Variants in KRABD2 observed in about 807,000 individuals in gnomAD.
KRABD2 encodes the protein KRAB domain containing 2, also known as KRAB domain-containing protein 2.
chr17:8,372,366 T>A, the KRABD2 span, among the ~76,000 whole-genome samples: 1 of 152,216 alleles, frequency 6.6e-6, no homozygotes, highest in Non-Finnish European at 1.5e-5. This position sits in a 1 kb window ranked among gnomAD's most constrained non-coding sequence, Gnocchi z 4.1. Flanking sequence ...ATTTTCATTC[T>A]TTTTCTTTTT....
At chr17:8,360,069 G>A in the KRABD2 span, among the ~76,000 whole-genome samples, 11 of 152,200 alleles carry the variant, frequency 7.2e-5, no homozygotes, top group South Asian at 6.2e-4. Context: ...CTGTAATGTC[G>A]CGGGAAATGC....
At chr17:8,363,817 T>TAC in the KRABD2 span, among the ~76,000 whole-genome samples, 2 of 115,744 alleles carry the variant, frequency 1.7e-5, no homozygotes, top group Non-Finnish European at 3.4e-5. Flanking sequence ...ATATCATACA[T>TAC]ATATATATCA....
chr17:8,367,399 T>C, the KRABD2 span, among the ~76,000 whole-genome samples: 26 of 151,864 alleles, frequency 1.7e-4, no homozygotes, highest in African/African-American at 5.8e-4. Context: ...CTCAGGAGGC[T>C]GAGGCAGGAG....
At chr17:8,372,192 C>G in the KRABD2 span, 32 of 306,404 alleles carry the variant, frequency 1.0e-4, 3 homozygotes, top group East Asian at 5.5e-3. This position sits in a 1 kb window ranked among gnomAD's most constrained non-coding sequence, Gnocchi z 4.1. Context: ...CTTCAAACTC[C>G]CTTCCTCAGC....
At chr17:8,360,068 C>T in the KRABD2 span, among the ~76,000 whole-genome samples, 18 of 152,178 alleles carry the variant, frequency 1.2e-4, no homozygotes, top group Non-Finnish European at 1.5e-4. Flanking sequence ...CCTGTAATGT[C>T]GCGGGAAATG....
At chr17:8,367,957 C>CAAA in the KRABD2 span, among the ~76,000 whole-genome samples, 4 of 86,496 alleles carry the variant, frequency 4.6e-5, no homozygotes, top group Non-Finnish European at 9.1e-5. Flanking sequence ...AAGTTAAGAG[C>CAAA]AAAAAAAAAA....
the KRABD2 span, chr17:8,376,291 T>C: frequency 1.6e-6 from 2 of 1,227,586 alleles, no homozygotes; most frequent in Non-Finnish European, 2.0e-6. Context: ...TTGCTGACTC[T>C]TATCATTTAC....
the KRABD2 span, among the ~76,000 whole-genome samples, chr17:8,375,539 T>C: frequency 1.0e-5 from 1 of 100,316 alleles, no homozygotes; most frequent in Non-Finnish European, 2.8e-5. Context: ...TTCTTTCATT[T>C]TTTTTTTTTT....
At chr17:8,369,841 C>A in the KRABD2 span, 1 of 1,614,184 alleles carries the variant, frequency 6.2e-7, no homozygotes. Context: ...GAGTCTATGT[C>A]CTTAAAAGTC....
the KRABD2 span, chr17:8,373,472 A>C: frequency 9.3e-3 from 1,738 of 186,940 alleles, 30 homozygotes; most frequent in African/African-American, 0.039. Context: ...TCGCTCACTC[A>C]GTGCTCAATG....
At chr17:8,358,852 C>T in the KRABD2 span, among the ~76,000 whole-genome samples, 3 of 151,830 alleles carry the variant, frequency 2.0e-5, no homozygotes, top group African/African-American at 7.3e-5. Context: ...CATCTATTTC[C>T]TAAAAACAAG....
chr17:8,371,750 G>A, the KRABD2 span: 11 of 1,279,422 alleles, frequency 8.6e-6, no homozygotes, highest in Non-Finnish European at 1.1e-5. Context: ...GAACTTGGGC[G>A]CAGGCTTGAT....
the KRABD2 span, among the ~76,000 whole-genome samples, chr17:8,367,775 A>G: frequency 6.6e-6 from 1 of 151,724 alleles, no homozygotes; most frequent in East Asian, 1.9e-4. Context: ...GGGAGTGGTG[A>G]TGACTCTTAA....
the KRABD2 span, chr17:8,369,516 C>G: frequency 1.2e-6 from 2 of 1,614,070 alleles, no homozygotes; most frequent in Non-Finnish European, 1.7e-6. Context: ...CTTTACATCA[C>G]GGCTTGCTCC....
chr17:8,367,376 G>T, the KRABD2 span, among the ~76,000 whole-genome samples: 1 of 151,986 alleles, frequency 6.6e-6, no homozygotes, highest in Non-Finnish European at 1.5e-5. Context: ...GTGCGTGCCT[G>T]TAGTCCCAGC....
the KRABD2 span, among the ~76,000 whole-genome samples, chr17:8,373,081 T>C: frequency 6.6e-6 from 1 of 152,172 alleles, no homozygotes. Flanking sequence ...CTAGTGATTT[T>C]AAAAAAATTT....
At chr17:8,369,062 G>C in the KRABD2 span, 2 of 1,523,166 alleles carry the variant, frequency 1.3e-6, no homozygotes, top group Non-Finnish European at 8.8e-7. Context: ...TTCCTCTGGG[G>C]CCTCTGGCAA....
chr17:8,367,287 AG>A, the KRABD2 span: 1 of 151,746 alleles, frequency 6.6e-6, no homozygotes, highest in African/African-American at 2.4e-5. Flanking sequence ...TCACGAGGTC[AG>A]GAGATCGAGA....
the KRABD2 span, among the ~76,000 whole-genome samples, chr17:8,373,153 CCG>C: frequency 3.3e-5 from 1 of 29,890 alleles, no homozygotes; most frequent in African/African-American, 1.1e-4. Flanking sequence ...CTCCCTCTCT[CCG>C]TCTCCGTCTC....
Sources: allele counts gnomAD v4.1 joint callset (sites outside exome capture counted in the v4.1 genomes callset), GRCh38; gene constraint gnomAD v4.1.1; non-coding constraint Gnocchi (gnomAD v3.1); transcripts MANE v1.5; gene names NCBI Gene and HGNC (gene_info 2026-07-23, HGNC 2026-07-21).